Variants in RFX8 observed in about 807,000 individuals in gnomAD.
The protein encoded by RFX8 is regulatory factor X8, also known as DNA-binding protein RFX8.
Under a neutral mutation model 54.6 loss-of-function variants are expected in RFX8, and 46 were observed. The observed-to-expected ratio is 0.84, with a 90% CI of 0.67 to 1.08. The LOEUF is 1.08. Among genes scored for constraint, RFX8 ranks in the 50% least tolerant of loss-of-function variants. The probability of loss-of-function intolerance (pLI) is 0.00; values close to 1 mark genes in which losing one functional copy is unlikely to be tolerated. For missense variants in RFX8, 536 were observed against 562.3 expected (o/e 0.95, Z 0.47); for synonymous variants, 192 against 209.5 (o/e 0.92, Z 0.72).
intron 2 of RFX8, among the ~76,000 whole-genome samples, chr2:101,440,542 T>C (rs62154278): frequency 0.76 from 114,380 of 151,362 alleles, 44,150 homozygotes; most frequent in Middle Eastern, 0.88. Flanking sequence ...ATTTCATTGC[T>C]GGGGGAGGAG....
At chr2:101,407,994 G>A (rs1402816670) in intron 9 of RFX8, among the ~76,000 whole-genome samples, 1 of 152,216 alleles carries the variant, frequency 6.6e-6, no homozygotes, top group Middle Eastern at 3.2e-3. Context: ...ATCTGGTTTT[G>A]TAAAGATCAG....
intron 7 of RFX8, among the ~76,000 whole-genome samples, chr2:101,414,276 T>G (rs1266516737): frequency 6.6e-6 from 1 of 152,110 alleles, no homozygotes; most frequent in East Asian, 1.9e-4. Context: ...TTTTATTTTT[T>G]TATTTTTTTG....
intron 9 of RFX8, among the ~76,000 whole-genome samples, chr2:101,408,823 C>T (rs935693961): frequency 7.2e-5 from 11 of 152,200 alleles, no homozygotes; most frequent in Non-Finnish European, 1.6e-4. Context: ...CCAAAGTCCC[C>T]TGCAGTCTTC....
chr2:101,414,965 T>C, intron 6 of RFX8, 53 bp from the exon 7 acceptor site: 1 of 1,370,044 alleles, frequency 7.3e-7, no homozygotes, highest in Non-Finnish European at 1.0e-6. Context: ...AGTTCTCATG[T>C]GGGCAGTGGG....
In RFX8 at chr2:101,397,617, C is replaced by A. The variant is rs540512781; in HGVS notation, c.1353G>T (p.Val451=). 8 of 1,551,090 alleles carry A rather than the reference C, an allele frequency of 5.2e-6. No homozygotes were observed. In the South Asian group the frequency reaches 9.5e-5, roughly 18 times the overall value. The stretch of plus-strand genomic sequence containing the variant: ...TTTGGGGTACATCTGATATCTGAAT[C>A]ACAAATTGTTGTCCATCTTTTAGGG... ...LITLKDGQQF[V]IQISDVPQSS... Residue 451 remains valine, a synonymous_variant, in exon 12 of 12, where the codon GTG becomes GTT. Transcript: ENST00000428343.
At chr2:101,435,450 T>C (rs17025611) in intron 2 of RFX8, among the ~76,000 whole-genome samples, 4,888 of 152,120 alleles carry the variant, frequency 0.032, 101 homozygotes, top group African/African-American at 0.058. Flanking sequence ...GACAACAAAT[T>C]TATCCTTGAA....
chr2:101,408,353 C>T (rs113377788), intron 9 of RFX8, among the ~76,000 whole-genome samples: 5 of 152,088 alleles, frequency 3.3e-5, no homozygotes, highest in Admixed American at 6.5e-5. Flanking sequence ...GGCGAGGTGG[C>T]GGGCACCTGT....
chr2:101,427,780 G>A (rs1192951971), intron 2 of RFX8, among the ~76,000 whole-genome samples: 2 of 152,084 alleles, frequency 1.3e-5, no homozygotes, highest in Non-Finnish European at 2.9e-5. Context: ...ATTGTTCCAC[G>A]TCTATCTTAG....
At chr2:101,444,019 C>T (rs1471100593) in intron 2 of RFX8, among the ~76,000 whole-genome samples, 1 of 152,136 alleles carries the variant, frequency 6.6e-6, no homozygotes, top group African/African-American at 2.4e-5. Context: ...CTACTCTCCA[C>T]CTGCATGCAC....
chr2:101,439,530 T>TTGAGTTAATTTTCATATACATTA (rs1403733400), intron 2 of RFX8, among the ~76,000 whole-genome samples: 5 of 152,144 alleles, frequency 3.3e-5, no homozygotes, highest in Admixed American at 1.3e-4. Context: ...ACGATCCATT[T>TTGAGTTAATTTTCATATACATTA]TGAGTTAATT....
intron 6 of RFX8, 30 bp downstream of exon 6, chr2:101,417,504 C>T (rs1459708022): frequency 1.3e-6 from 2 of 1,536,824 alleles, no homozygotes; most frequent in African/African-American, 2.8e-5. Context: ...CTGTGCCAGC[C>T]CAGAATTTAT....
At position 101,473,123 on chromosome 2, in the gene RFX8, A is replaced by G. The variant is rs541202436; in HGVS notation, c.-53+1513T>C. On this transcript the variant is annotated intron_variant, in intron 1 of 11. Transcript: ENST00000428343. ...GGGTTGGACAAGCTTGGTCTAGACC[A>G]TCATAAGCCCCCTGGTTACCATTTG... Among the ~76,000 whole-genome samples the G allele has an allele frequency of 3.9e-5, 6 of 152,314 alleles. No individual in the cohort carries two copies. The South Asian group carries it at 6.2e-4, about 16-fold the overall frequency.
chr2:101,466,733 T>A lies in RFX8; in HGVS notation c.72+44A>T, dbSNP rs1165874664. ...TTCCTCCAATAACTTGCTTCCCTTTTTTGCACTCAGTGAATAGAGCGTTCT... is the reference window on the plus strand; with the variant it reads ...TTCCTCCAATAACTTGCTTCCCTTTATTGCACTCAGTGAATAGAGCGTTCT... On this transcript the variant is annotated intron_variant, in intron 2 of 11. Transcript: ENST00000428343. 1.8e-5 allele frequency: 25 copies of A among 1,362,008 alleles called. No homozygotes were observed. In the Admixed American group the frequency reaches 4.9e-4, roughly 27 times the overall value. The allele number at this position is 1,362,008 out of a possible 1,614,324, so 84.4% of individuals were successfully genotyped here.
At chr2:101,472,845 T>G (rs1690086861) in intron 1 of RFX8, among the ~76,000 whole-genome samples, 1 of 152,010 alleles carries the variant, frequency 6.6e-6, no homozygotes, top group East Asian at 1.9e-4. Flanking sequence ...TGGTGAAACC[T>G]TGTCTCTAAT....
chr2:101,441,033 CT>C (rs1197868507), intron 2 of RFX8, among the ~76,000 whole-genome samples: 1 of 140,652 alleles, frequency 7.1e-6, no homozygotes, highest in Non-Finnish European at 1.5e-5. Flanking sequence ...GTGGCACGAT[CT>C]TGGCTCACTG....
At chr2:101,459,841 G>A (rs1201474186) in intron 2 of RFX8, among the ~76,000 whole-genome samples, 1 of 152,228 alleles carries the variant, frequency 6.6e-6, no homozygotes, top group Non-Finnish European at 1.5e-5. Context: ...TGCCCACAGA[G>A]GTGGAGTCCA....
At chr2:101,422,517 C>CT (rs377478066) in intron 2 of RFX8, 45 bp from the exon 3 acceptor site, 11 of 1,147,992 alleles carry the variant, frequency 9.6e-6, no homozygotes, top group African/African-American at 4.6e-5. Flanking sequence ...AAATACAATA[C>CT]TTTTTTTGGC....
chr2:101,462,110 A>C (rs1209595621), intron 2 of RFX8, among the ~76,000 whole-genome samples: 1 of 152,190 alleles, frequency 6.6e-6, no homozygotes, highest in African/African-American at 2.4e-5. Context: ...GGAAAATTAC[A>C]AACAACCTAT....
At chr2:101,418,727 A>AGGAG (rs1686681920) in intron 5 of RFX8, 124 bp downstream of exon 5, 1 of 697,716 alleles carries the variant, frequency 1.4e-6, no homozygotes, top group South Asian at 1.6e-5. Flanking sequence ...TGGTCCATAC[A>AGGAG]CCCCACTATT....
Sources: gnomAD v4.1 joint callset for allele counts (sites outside exome capture counted in the v4.1 genomes callset) on GRCh38, gnomAD v4.1.1 for gene constraint, MANE v1.5 for transcripts, NCBI Gene and HGNC (gene_info 2026-07-23, HGNC 2026-07-21) for gene names.